ZFHX3: variants seen among roughly 807,000 people sequenced by gnomAD.
ZFHX3 encodes zinc finger homeobox 3.
ZFHX3 carries 42 observed loss-of-function variants against 279.1 expected under a neutral mutation model. The ratio of observed to expected loss-of-function variants is 0.15; its 90% CI spans 0.12 to 0.19. ZFHX3 has a LOEUF of 0.19. Ranked by LOEUF, ZFHX3 falls within the 10% of genes least tolerant of loss-of-function variation. ZFHX3 has a pLI of 1.00. For missense variants in ZFHX3, 4,981 were observed against 4,754.0 expected (o/e 1.05, Z -1.40); for synonymous variants, 2,293 against 1,957.8 (o/e 1.17, Z -4.52).
chr16:73,549,308 ATTTTCAGGTATTTCAAATATATTTAAAAT>A (rs2020169427), intron 2 of ZFHX3, among the ~76,000 whole-genome samples: 2 of 152,080 alleles, frequency 1.3e-5, no homozygotes, highest in Non-Finnish European at 2.9e-5. Context: ...TAGTCCACTT[ATTTTCAGGTATTTCAAATATATTTAAAAT>A]ATTTTTCATA....
intron 4 of ZFHX3, among the ~76,000 whole-genome samples, chr16:72,837,628 G>C (rs1309228222): frequency 1.4e-5 from 2 of 143,370 alleles, no homozygotes; most frequent in African/African-American, 6.0e-5. Context: ...ACCACGCCTA[G>C]ATAATTTTTG....
chr16:73,772,304 G>A (rs1383142375), intron 1 of ZFHX3, among the ~76,000 whole-genome samples: 1 of 152,190 alleles, frequency 6.6e-6, no homozygotes, highest in African/African-American at 2.4e-5. Flanking sequence ...ATGGTGGAAG[G>A]CAAGGCGGAG....
chr16:73,204,927 G>A (rs1243268806), intron 5 of ZFHX3, among the ~76,000 whole-genome samples: 1 of 152,164 alleles, frequency 6.6e-6, no homozygotes, highest in African/African-American at 2.4e-5. Flanking sequence ...TTCAATCCAT[G>A]CTTATCTGAG....
At chr16:73,117,894 C>T (rs1966450952) in intron 7 of ZFHX3, among the ~76,000 whole-genome samples, 1 of 152,232 alleles carries the variant, frequency 6.6e-6, no homozygotes, top group South Asian at 2.1e-4. Flanking sequence ...TGAGCCCTCA[C>T]CAGAAACCAA....
At chr16:73,678,145 A>T (rs1156501407) in intron 2 of ZFHX3, among the ~76,000 whole-genome samples, 1 of 152,158 alleles carries the variant, frequency 6.6e-6, no homozygotes, top group East Asian at 1.9e-4. Flanking sequence ...TGATACAGGA[A>T]ATTATTTATA....
intron 3 of ZFHX3, among the ~76,000 whole-genome samples, chr16:73,365,597 A>G (rs1372015708): frequency 6.6e-6 from 1 of 152,182 alleles, no homozygotes; most frequent in Non-Finnish European, 1.5e-5. Flanking sequence ...TGTCAGCCCA[A>G]TTCTAAACAC....
At chr16:72,810,547 C>G (rs894516850) in intron 7 of ZFHX3, among the ~76,000 whole-genome samples, 1 of 152,204 alleles carries the variant, frequency 6.6e-6, no homozygotes, top group African/African-American at 2.4e-5. Flanking sequence ...ATCACTGGCA[C>G]TATTTTGAAA....
At position 72,794,673 on chromosome 16, in the gene ZFHX3, A is replaced by G; in HGVS notation, c.8009T>C (p.Met2670Thr). Residue 2670 changes from methionine (M) to threonine (T), a missense_variant, in exon 9 of 10, where the codon ATG (methionine) becomes ACG (threonine). Transcript: ENST00000268489. The surrounding 1 kb of genome is among the most constrained non-coding windows in gnomAD (Gnocchi z 4.2). ...YLLDSNPTRKMLDHIAHEVGL... is the reference protein window; with the variant it reads ...YLLDSNPTRKTLDHIAHEVGL... Reference sequence around the variant, plus strand: ...CACCTCGTGTGCAATGTGATCCAACATCTTTCGAGTCGGATTGGAATCCAG... The same window carrying G: ...CACCTCGTGTGCAATGTGATCCAACGTCTTTCGAGTCGGATTGGAATCCAG... 1 of 1,614,232 alleles carries G rather than the reference A, an allele frequency of 6.2e-7. No homozygotes were observed. Among genetic ancestry groups the G allele is most frequent in the Non-Finnish European group, 8.5e-7 (1 of 1,180,036 alleles).
chr16:73,121,905 G>A (rs11648199), intron 7 of ZFHX3, among the ~76,000 whole-genome samples: 14,323 of 151,934 alleles, frequency 0.094, 688 homozygotes, highest in Middle Eastern at 0.13. Flanking sequence ...ATGAGCCACC[G>A]CACCCAGCCA....
intron 2 of ZFHX3, among the ~76,000 whole-genome samples, chr16:73,614,255 C>T (rs917042904): frequency 2.0e-5 from 3 of 152,342 alleles, no homozygotes; most frequent in South Asian, 2.1e-4. Context: ...TGGTCAGGAA[C>T]ATCTCTGACT....
At position 73,565,868 on chromosome 16, in the gene ZFHX3, G is replaced by C. The variant is rs115682019; in HGVS notation, c.-1546-109610C>G. 3.1e-3 allele frequency among the ~76,000 whole-genome samples: 467 copies of C among 152,272 alleles called. 1 individual carries two copies. The highest frequency in any genetic ancestry group is 9.6e-3 in the African/African-American group (399 of 41,552). On this transcript the variant is annotated intron_variant, in intron 2 of 17. Coordinates refer to the ZFHX3 transcript ENST00000641206. Reference sequence around the variant, plus strand: ...GTGTTGCTAGTCAGGGGACCAGTGGGGTCTTGGTGACTCTCTCTGTGTTCT... The same window carrying C: ...GTGTTGCTAGTCAGGGGACCAGTGGCGTCTTGGTGACTCTCTCTGTGTTCT...
intron 5 of ZFHX3, among the ~76,000 whole-genome samples, chr16:73,195,148 A>G (rs1243254009): frequency 9.9e-5 from 15 of 151,990 alleles, no homozygotes; most frequent in Admixed American, 9.2e-4. Flanking sequence ...CTCTACTTCT[A>G]TACCATTGGC....
chr16:73,603,397 A>G (rs2052144006), intron 2 of ZFHX3, among the ~76,000 whole-genome samples: 2 of 152,218 alleles, frequency 1.3e-5, no homozygotes, highest in Non-Finnish European at 2.9e-5. Flanking sequence ...CAACTGGCTA[A>G]TAAGCCTATA....
chr16:72,802,298 T>G (rs1049652661), intron 7 of ZFHX3, among the ~76,000 whole-genome samples: 2 of 152,090 alleles, frequency 1.3e-5, no homozygotes, highest in African/African-American at 4.8e-5. Context: ...AGACACCAAT[T>G]CATCAGCCCT....
chr16:73,175,771 T>C (rs1335108566), intron 5 of ZFHX3, among the ~76,000 whole-genome samples: 1 of 152,178 alleles, frequency 6.6e-6, no homozygotes, highest in Non-Finnish European at 1.5e-5. Flanking sequence ...TTAGAGATCT[T>C]CTCTAACCAG....
intron 5 of ZFHX3, chr16:73,232,172 C>G (rs2012795945): frequency 6.6e-6 from 1 of 152,204 alleles, no homozygotes; most frequent in Non-Finnish European, 1.5e-5. Context: ...TCGGAGCCAG[C>G]GAGACCTGGG....
intron 1 of ZFHX3, among the ~76,000 whole-genome samples, chr16:73,858,929 C>T (rs562790638): frequency 6.6e-6 from 1 of 152,278 alleles, no homozygotes; most frequent in South Asian, 2.1e-4. Context: ...ATCTTCCATC[C>T]CTCCTTTTTA....
intron 5 of ZFHX3, among the ~76,000 whole-genome samples, chr16:73,207,317 A>T (rs962573285): frequency 4.1e-4 from 63 of 152,274 alleles, no homozygotes; most frequent in African/African-American, 1.5e-3. Flanking sequence ...CTCTTTTATG[A>T]AGTAAACGTT....
intron 7 of ZFHX3, among the ~76,000 whole-genome samples, chr16:73,105,683 G>A (rs1041286280): frequency 6.6e-6 from 1 of 152,112 alleles, no homozygotes; most frequent in African/African-American, 2.4e-5. Context: ...ATTCTGGGAG[G>A]CGGAGGTTGC....
Sources: gnomAD v4.1 joint callset for allele counts (sites outside exome capture counted in the v4.1 genomes callset) on GRCh38, gnomAD v4.1.1 for gene constraint, Gnocchi (gnomAD v3.1) non-coding constraint, MANE v1.5 for transcripts, NCBI Gene and HGNC (gene_info 2026-07-23, HGNC 2026-07-21) for gene names.